Variants in ZDHHC21 observed in about 807,000 individuals in gnomAD.
The protein encoded by ZDHHC21 is palmitoyltransferase ZDHHC21.
ZDHHC21 carries 15 observed loss-of-function variants against 34.6 expected under a neutral mutation model. That is an observed-to-expected ratio of 0.43 (90% CI 0.29 to 0.67). ZDHHC21 has a LOEUF of 0.67. Among genes scored for constraint, ZDHHC21 ranks in the 30% least tolerant of loss-of-function variants. The pLI is 0.14. For synonymous variants in ZDHHC21, 142 were observed against 101.8 expected (o/e 1.40, Z -2.38); for missense variants, 344 against 327.7 (o/e 1.05, Z -0.38).
intron 6 of ZDHHC21, among the ~76,000 whole-genome samples, chr9:14,660,526 C>T (rs1010130275): frequency 1.3e-5 from 2 of 152,110 alleles, no homozygotes; most frequent in African/African-American, 4.8e-5. Flanking sequence ...TTCCAATTTA[C>T]ACTGTACATT....
Position 14,618,916 on chromosome 9 carries a change from G to A in ZDHHC21, c.*50C>T. 1 of 1,521,842 alleles carries A rather than the reference G, an allele frequency of 6.6e-7. No individual in the cohort carries two copies. 94.3% of individuals were successfully genotyped at this position (1,521,842 alleles called of 1,614,324 possible). A position where few individuals can be genotyped will look rare whatever the true frequency, so the allele number is the denominator to read the frequency against. ...TCATAGTTCTATTATCATAAAACCT[G>A]TAACGCATTGCCAGCATGGAGGACC... On this transcript the variant is annotated 3_prime_UTR_variant, in exon 10 of 10. Coordinates refer to ENST00000380916, the MANE Select transcript of ZDHHC21 (RefSeq NM_178566.6).
chr9:14,680,994 C>A (rs1837277047), intron 2 of ZDHHC21, among the ~76,000 whole-genome samples: 1 of 152,084 alleles, frequency 6.6e-6, no homozygotes, highest in Admixed American at 6.6e-5. Flanking sequence ...ACCAAGACAA[C>A]AGAATAAGCA....
At chr9:14,631,887 A>T (rs1216607333) in intron 8 of ZDHHC21, among the ~76,000 whole-genome samples, 1 of 152,182 alleles carries the variant, frequency 6.6e-6, no homozygotes, top group African/African-American at 2.4e-5. Flanking sequence ...ATCAAAGATC[A>T]CCAATCATAG....
intron 8 of ZDHHC21, among the ~76,000 whole-genome samples, chr9:14,624,902 G>A (rs1825940992): frequency 6.6e-6 from 1 of 151,926 alleles, no homozygotes; most frequent in Non-Finnish European, 1.5e-5. Context: ...GCATCACATT[G>A]TACCCCATAA....
intron 5 of ZDHHC21, 42 bp from the exon 6 acceptor site, chr9:14,662,368 G>C (rs749328105): frequency 2.1e-5 from 31 of 1,442,956 alleles, no homozygotes; most frequent in Non-Finnish European, 5.7e-6. Flanking sequence ...AAGGCAAGTG[G>C]GTAATGCTGA....
At chr9:14,619,515 C>T (rs948481804) in intron 9 of ZDHHC21, 124 bp downstream of exon 9, 1 of 831,928 alleles carries the variant, frequency 1.2e-6, no homozygotes, top group Non-Finnish European at 1.8e-6. Flanking sequence ...TAGCACAGGC[C>T]TCAGACAATG....
At position 14,615,095 on chromosome 9, in the gene ZDHHC21, G is replaced by A. The variant is rs1823942055; in HGVS notation, c.*3871C>T. On this transcript the variant is annotated 3_prime_UTR_variant, in exon 10 of 10. Coordinates refer to ENST00000380916, the MANE Select transcript of ZDHHC21 (RefSeq NM_178566.6). ...ACATTGTGATTTTATAGCAATACAT[G>A]TGAAAACACTCAAACTACCCCATGA... 2 of 151,638 alleles carry A rather than the reference G, an allele frequency of 1.3e-5. No individual in the cohort carries two copies. Among genetic ancestry groups the A allele is most frequent in the African/African-American group, 2.4e-5 (1 of 41,376 alleles). The allele number at this position is 151,638 out of a possible 1,614,324, so 9.4% of individuals were successfully genotyped here.
At chr9:14,594,470 G>C in the ZDHHC21 span, among the ~76,000 whole-genome samples, 1 of 152,144 alleles carries the variant, frequency 6.6e-6, no homozygotes, top group Non-Finnish European at 1.5e-5. Flanking sequence ...AGTCTTTTCA[G>C]CCAATGATAC....
intron 7 of ZDHHC21, among the ~76,000 whole-genome samples, chr9:14,652,877 C>A (rs2133850245): frequency 6.6e-6 from 1 of 152,096 alleles, no homozygotes; most frequent in Admixed American, 6.6e-5. Context: ...TTAACACTTT[C>A]TCTTCTGACC....
chr9:14,645,802 A>G (rs1830190506), intron 7 of ZDHHC21, among the ~76,000 whole-genome samples: 1 of 152,164 alleles, frequency 6.6e-6, no homozygotes, highest in African/African-American at 2.4e-5. Context: ...ATAATCAGTA[A>G]ATATATGAAA....
chr9:14,664,251 C>A, intron 5 of ZDHHC21, among the ~76,000 whole-genome samples: 1 of 152,090 alleles, frequency 6.6e-6, no homozygotes, highest in Non-Finnish European at 1.5e-5. Flanking sequence ...GGGTGACGGA[C>A]GCACCTGGAA....
chr9:14,676,274 T>C (rs367596992), intron 3 of ZDHHC21, among the ~76,000 whole-genome samples: 4 of 152,036 alleles, frequency 2.6e-5, no homozygotes, highest in East Asian at 1.9e-4. Flanking sequence ...CAGGGGAAAG[T>C]GTCAAGGGTG....
intron 8 of ZDHHC21, among the ~76,000 whole-genome samples, chr9:14,633,445 A>G (rs1185740104): frequency 6.6e-5 from 10 of 152,138 alleles, no homozygotes. Context: ...AATGGGAGCT[A>G]CCTGGAGAAT....
At chr9:14,599,906 A>G in the ZDHHC21 span, among the ~76,000 whole-genome samples, 1 of 152,308 alleles carries the variant, frequency 6.6e-6, no homozygotes, top group South Asian at 2.1e-4. Flanking sequence ...GACAGAAACC[A>G]CATGATTACC....
chr9:14,607,659 G>A (rs1294037085), downstream of ZDHHC21, among the ~76,000 whole-genome samples: 1 of 151,946 alleles, frequency 6.6e-6, no homozygotes, highest in African/African-American at 2.4e-5. Context: ...GATCAGGGCT[G>A]TTGTGGAAGG....
intron 7 of ZDHHC21, among the ~76,000 whole-genome samples, chr9:14,645,376 T>C (rs1358131201): frequency 6.6e-6 from 1 of 151,994 alleles, no homozygotes; most frequent in Admixed American, 6.6e-5. Flanking sequence ...TTTCAATAAA[T>C]GGTGCTAAAT....
chr9:14,680,664 A>G (rs976459343), intron 2 of ZDHHC21, among the ~76,000 whole-genome samples: 6 of 152,206 alleles, frequency 3.9e-5, no homozygotes, highest in African/African-American at 1.2e-4. Flanking sequence ...AGTACTGTAT[A>G]TAACATATAC....
chr9:14,684,835 G>C (rs1056398801), intron 2 of ZDHHC21, among the ~76,000 whole-genome samples: 8 of 152,098 alleles, frequency 5.3e-5, no homozygotes, highest in African/African-American at 1.9e-4. Flanking sequence ...AAACACCATG[G>C]TACTGGTACC....
rs1833587272 is a variant in ZDHHC21 at position 14,662,454 on chromosome 9, C to G, written c.254-128G>C. 6 of 648,394 alleles carry G rather than the reference C, an allele frequency of 9.3e-6. No individual in the cohort carries two copies. The Admixed American group carries it at 1.9e-4, about 21-fold the overall frequency. 40.2% of individuals were successfully genotyped at this position (648,394 alleles called of 1,614,324 possible). ...ACTCTAAGAGATTTTTCTTCTAAGC[C>G]TTTGGTATAAATGTGTTTGCCATAA... On this transcript the variant is annotated intron_variant, in intron 5 of 9. Coordinates refer to ENST00000380916, the MANE Select transcript of ZDHHC21 (RefSeq NM_178566.6).
Sources: gnomAD v4.1 joint callset for allele counts (sites outside exome capture counted in the v4.1 genomes callset) on GRCh38, gnomAD v4.1.1 for gene constraint, MANE v1.5 for transcripts, NCBI Gene and HGNC (gene_info 2026-07-23, HGNC 2026-07-21) for gene names.